Variants in OR2L3 observed in about 807,000 individuals in gnomAD.
The protein encoded by OR2L3 is olfactory receptor family 2 subfamily L member 3, also known as olfactory receptor 2L3.
For synonymous variants in OR2L3, 131 were observed against 139.1 expected (o/e 0.94, Z 0.41); for missense variants, 369 against 376.6 (o/e 0.98, Z 0.17).
intron 1 of OR2L3, among the ~76,000 whole-genome samples, chr1:248,057,934 T>C (rs941048236): frequency 6.6e-6 from 1 of 152,200 alleles, no homozygotes. Context: ...TTTTAGTTCT[T>C]TCTTTTGAAA....
intron 1 of OR2L3, among the ~76,000 whole-genome samples, chr1:248,048,979 C>G (rs1312056535): frequency 1.3e-5 from 2 of 148,354 alleles, no homozygotes; most frequent in African/African-American, 5.1e-5. Flanking sequence ...AATGATCATA[C>G]CAACTTTAAG....
chr1:248,057,386 G>T (rs961516485), intron 1 of OR2L3, among the ~76,000 whole-genome samples: 1 of 152,154 alleles, frequency 6.6e-6, no homozygotes, highest in African/African-American at 2.4e-5. Flanking sequence ...TTTACATTAT[G>T]TAATGCCCTT....
rs563262691 is a variant in OR2L3, at chr1:248,052,495, G to C, written c.-22+5615G>C. ...GGTAATCCCAGCACTTTGGGAGGCC[G>C]AGCCGGGCAGATCACAAGGTAAGGA... is the stretch of plus-strand genomic sequence containing the variant. On this transcript the variant is annotated intron_variant, in intron 1 of 1. Coordinates refer to ENST00000359959, the MANE Select transcript of OR2L3 (RefSeq NM_001004687.2). 1.1e-4 allele frequency among the ~76,000 whole-genome samples: 16 copies of C among 152,194 alleles called. No homozygotes were observed. In the East Asian group the frequency reaches 2.3e-3, roughly 22 times the overall value.
At chr1:248,049,702 ATTAT>A (rs1409812703) in intron 1 of OR2L3, among the ~76,000 whole-genome samples, 4 of 152,188 alleles carry the variant, frequency 2.6e-5, no homozygotes, top group Non-Finnish European at 5.9e-5. Flanking sequence ...TACTTTCTCA[ATTAT>A]TTAACACTTA....
At chr1:248,049,457 A>T (rs1032101151) in intron 1 of OR2L3, among the ~76,000 whole-genome samples, 7 of 152,176 alleles carry the variant, frequency 4.6e-5, no homozygotes, top group East Asian at 1.9e-4. Flanking sequence ...AGAGGAGATT[A>T]TATGGGTGTT....
chr1:248,061,934 G>T lies in OR2L3; in HGVS notation c.*314G>T. 4.6e-6 allele frequency: 1 copy of T among 215,846 alleles called. No individual in the cohort carries two copies. The allele number at this position is 215,846 out of a possible 1,614,324, so 13.4% of individuals were successfully genotyped here. On this transcript the variant is annotated 3_prime_UTR_variant, in exon 2 of 2. Transcript: ENST00000359959. ...TTGGTCTAACTGAAGTTGGCACTCA[G>T]CATAACAATTTCCTTATGGTCAGTT...
intron 1 of OR2L3, among the ~76,000 whole-genome samples, chr1:248,052,435 C>G (rs903776052): frequency 6.6e-6 from 1 of 152,018 alleles, no homozygotes; most frequent in African/African-American, 2.4e-5. Flanking sequence ...GTTTTAAAAT[C>G]AGAAAGTATA....
chr1:248,055,040 GT>G (rs1357818741), intron 1 of OR2L3, among the ~76,000 whole-genome samples: 1 of 152,178 alleles, frequency 6.6e-6, no homozygotes, highest in African/African-American at 2.4e-5. Flanking sequence ...AATGCTTCCA[GT>G]TTTTGCCCAT....
At chr1:248,049,595 A>T (rs1185044105) in intron 1 of OR2L3, among the ~76,000 whole-genome samples, 3 of 152,232 alleles carry the variant, frequency 2.0e-5, no homozygotes, top group African/African-American at 7.2e-5. Flanking sequence ...AGGTGAAGTG[A>T]AAGTACAGTA....
chr1:248,055,584 T>A (rs768569657), intron 1 of OR2L3, among the ~76,000 whole-genome samples: 7 of 152,102 alleles, frequency 4.6e-5, no homozygotes, highest in Admixed American at 6.6e-5. Flanking sequence ...CGTGAAACCC[T>A]ATCTCTACTA....
chr1:248,060,784 C>T lies in OR2L3; in HGVS notation c.103C>T (p.Leu35=), dbSNP rs768844373. Residue 35 remains leucine, a synonymous_variant, in exon 2 of 2, where the codon CTA becomes TTA. Coordinates refer to ENST00000359959, the MANE Select transcript of OR2L3 (RefSeq NM_001004687.2). ...CTTCATCCTCATTGTTTTCATTTTC[C>T]TAATGGCTCTAATTGGAAACCTATC... is the stretch of plus-strand genomic sequence containing the variant. The part of the protein sequence containing the change: ...FLFILIVFIF[L]MALIGNLSMI... 3 of 1,614,104 alleles carry T rather than the reference C, an allele frequency of 1.9e-6. No homozygotes were observed. The highest frequency in any genetic ancestry group is 2.5e-6 in the Non-Finnish European group (3 of 1,179,980).
intron 1 of OR2L3, among the ~76,000 whole-genome samples, chr1:248,048,221 A>G (rs1663144016): frequency 6.6e-6 from 1 of 152,212 alleles, no homozygotes; most frequent in African/African-American, 2.4e-5. Flanking sequence ...TTGGAAGCAC[A>G]CATACACACA....
chr1:248,059,716 A>T (rs1663560690), intron 1 of OR2L3, among the ~76,000 whole-genome samples: 1 of 152,208 alleles, frequency 6.6e-6, no homozygotes, highest in South Asian at 2.1e-4. Context: ...TCAAAATAGC[A>T]GAGAGGCTGC....
rs112940696 is a variant in OR2L3, at chr1:248,059,884, T to C, written c.-21-777T>C. On this transcript the variant is annotated intron_variant, in intron 1 of 1. Transcript: ENST00000359959. ...TAGCAAGACTTCATGTCTACAAAAA[T>C]AGAAAGTTAACTAGGTATGGTGGCT... Among the ~76,000 whole-genome samples the C allele has an allele frequency of 3.5e-3, 538 of 151,980 alleles. 6 individuals carry two copies. Among genetic ancestry groups the C allele is most frequent in the African/African-American group, 0.013 (522 of 41,448 alleles).
rs996385518 is a variant in OR2L3 at position 248,062,091 on chromosome 1, A to G, written c.*471A>G. 6.4e-6 allele frequency: 1 copy of G among 157,048 alleles called. No individual in the cohort carries two copies. The highest frequency in any genetic ancestry group is 2.4e-5 in the African/African-American group (1 of 41,456). 9.7% of individuals were successfully genotyped at this position (157,048 alleles called of 1,614,324 possible). A position where few individuals can be genotyped will look rare whatever the true frequency, so the allele number is the denominator to read the frequency against. On this transcript the variant is annotated 3_prime_UTR_variant, in exon 2 of 2. Transcript: ENST00000359959. ...CTTTCTTATCTTAGACACTTAACGT[A>G]CCAATTACTCATTCTTTCAATTTAG...
chr1:248,060,611 C>T lies in OR2L3; in HGVS notation c.-21-50C>T. ...TGAGGGGCTTCAAATGCATTCCCTG[C>T]AGATAAAGACGAATTTCTGTGCTTA... On this transcript the variant is annotated intron_variant, in intron 1 of 1. Transcript: ENST00000359959. The T allele has an allele frequency of 3.2e-6, 4 of 1,249,578 alleles. No individual in the cohort carries two copies. In the South Asian group the frequency reaches 4.2e-5, roughly 13 times the overall value. 77.4% of individuals were successfully genotyped at this position (1,249,578 alleles called of 1,614,324 possible). A position where few individuals can be genotyped will look rare whatever the true frequency, so the allele number is the denominator to read the frequency against.
rs369883889 is a variant in OR2L3, at chr1:248,046,885, T to A, written c.-22+5T>A. The A allele has an allele frequency of 6.6e-5, 10 of 152,326 alleles. No homozygotes were observed. Among genetic ancestry groups the A allele is most frequent in the African/African-American group, 2.4e-4 (10 of 41,582 alleles). 9.4% of individuals were successfully genotyped at this position (152,326 alleles called of 1,614,324 possible). A position where few individuals can be genotyped will look rare whatever the true frequency, so the allele number is the denominator to read the frequency against. On this transcript the variant is annotated splice_donor_5th_base_variant and intron_variant, in intron 1 of 1. Transcript: ENST00000359959. Reference sequence around the variant, plus strand: ...GGAAATGAGGAAATAATAAAGGTACTAATTATAATTGTATTTTTAAATTTT... The same window carrying A: ...GGAAATGAGGAAATAATAAAGGTACAAATTATAATTGTATTTTTAAATTTT...
intron 1 of OR2L3, among the ~76,000 whole-genome samples, chr1:248,050,057 G>A (rs1188424022): frequency 6.6e-6 from 1 of 152,110 alleles, no homozygotes; most frequent in Non-Finnish European, 1.5e-5. Flanking sequence ...ATCACGGAAC[G>A]AATCCTGTGA....
In OR2L3 at chr1:248,060,843, C is replaced by A. The variant is rs200369025; in HGVS notation, c.162C>A (p.Leu54=). The change falls in exon 2 of 2, where the codon CTC becomes CTA. Residue 54 remains leucine, a synonymous_variant. Coordinates refer to ENST00000359959, the MANE Select transcript of OR2L3 (RefSeq NM_001004687.2). The part of the protein sequence containing the change: ...MILLIFLDTH[L]HTPMYFLLSQ... ...TTCTCATCTTCTTGGACACCCATCT[C>A]CACACACCCATGTATTTCCTACTTA... The A allele has an allele frequency of 2.5e-6, 4 of 1,613,988 alleles. No individual in the cohort carries two copies. Among genetic ancestry groups the A allele is most frequent in the Non-Finnish European group, 2.5e-6 (3 of 1,179,888 alleles).
Sources: gnomAD v4.1 joint callset for allele counts (sites outside exome capture counted in the v4.1 genomes callset) on GRCh38, gnomAD v4.1.1 for gene constraint, MANE v1.5 for transcripts, NCBI Gene and HGNC (gene_info 2026-07-23, HGNC 2026-07-21) for gene names.